SHISA9: variants seen among roughly 807,000 people sequenced by gnomAD.
SHISA9 encodes the protein protein shisa-9.
A neutral mutation model predicts 38.0 loss-of-function variants in SHISA9; 13 were observed. The observed-to-expected ratio is 0.34, with a 90% CI of 0.22 to 0.54. SHISA9 has a LOEUF of 0.54. Ranked by LOEUF, SHISA9 falls within the 20% of genes least tolerant of loss-of-function variation. The pLI is 0.91. For missense variants in SHISA9, 538 were observed against 575.8 expected (o/e 0.93, Z 0.67); for synonymous variants, 275 against 242.0 (o/e 1.14, Z -1.27).
intron 2 of SHISA9, among the ~76,000 whole-genome samples, chr16:13,027,233 C>G (rs1433641140): frequency 2.0e-5 from 3 of 152,194 alleles, no homozygotes; most frequent in African/African-American, 7.2e-5. Flanking sequence ...GGAGGATGGA[C>G]TCCATCAATA....
intron 2 of SHISA9, among the ~76,000 whole-genome samples, chr16:13,192,499 A>G (rs774185161): frequency 6.6e-6 from 1 of 152,074 alleles, no homozygotes; most frequent in African/African-American, 2.4e-5. Context: ...TATGTGAGGA[A>G]GAATGGATGG....
chr16:13,480,538 G>A, the SHISA9 span, among the ~76,000 whole-genome samples: 1 of 152,134 alleles, frequency 6.6e-6, no homozygotes, highest in Admixed American at 6.5e-5. Flanking sequence ...AGAACAATTG[G>A]TCAGGGCAAC....
the SHISA9 span, among the ~76,000 whole-genome samples, chr16:13,540,361 C>A: frequency 6.6e-6 from 1 of 152,124 alleles, no homozygotes; most frequent in Admixed American, 6.6e-5. Context: ...CTTTGTTCAC[C>A]GATTTGGCAG....
chr16:12,969,129 C>T (rs7198178), intron 2 of SHISA9, among the ~76,000 whole-genome samples: 33,730 of 150,394 alleles, frequency 0.22, 4,218 homozygotes, highest in African/African-American at 0.33. Context: ...TGCTCTCTGT[C>T]CTGGGTGACA....
intron 2 of SHISA9, among the ~76,000 whole-genome samples, chr16:13,028,383 G>C (rs1001800146): frequency 6.6e-6 from 1 of 152,116 alleles, no homozygotes; most frequent in Non-Finnish European, 1.5e-5. Context: ...AATTTATAAA[G>C]AGAAAGAGGT....
chr16:13,513,420 G>A, the SHISA9 span, among the ~76,000 whole-genome samples: 1 of 152,196 alleles, frequency 6.6e-6, no homozygotes, highest in Non-Finnish European at 1.5e-5. Flanking sequence ...CATTGTCAAA[G>A]ACAGCGCAGC....
At chr16:13,182,492 C>CA (rs1205498596) in intron 2 of SHISA9, among the ~76,000 whole-genome samples, 4 of 152,170 alleles carry the variant, frequency 2.6e-5, no homozygotes, top group Non-Finnish European at 5.9e-5. Context: ...AACACTGAGT[C>CA]AAAGGTATAA....
At chr16:13,499,562 ATCT>A in the SHISA9 span, among the ~76,000 whole-genome samples, 3 of 152,098 alleles carry the variant, frequency 2.0e-5, no homozygotes, top group South Asian at 4.2e-4. Flanking sequence ...GGTGATTCTT[ATCT>A]TCTTCTTAAT....
At chr16:13,256,086 C>T in the SHISA9 span, among the ~76,000 whole-genome samples, 2 of 152,168 alleles carry the variant, frequency 1.3e-5, no homozygotes, top group Non-Finnish European at 1.5e-5. Context: ...CCCATACATT[C>T]ACCATGCTGT....
At chr16:13,056,377 G>C (rs764033290) in intron 2 of SHISA9, among the ~76,000 whole-genome samples, 4 of 152,174 alleles carry the variant, frequency 2.6e-5, no homozygotes. Flanking sequence ...AGGCCTGAAG[G>C]CAAGGAGATA....
chr16:13,011,561 G>A (rs570421430), intron 2 of SHISA9, among the ~76,000 whole-genome samples: 48 of 151,892 alleles, frequency 3.2e-4, no homozygotes, highest in Middle Eastern at 6.8e-3. Context: ...TTGCTCTTTC[G>A]CCCAGGCTGG....
intron 2 of SHISA9, among the ~76,000 whole-genome samples, chr16:13,118,728 TTC>T (rs2074055649): frequency 1.1e-5 from 1 of 92,094 alleles, no homozygotes; most frequent in Non-Finnish European, 2.0e-5. Flanking sequence ...CTTTTCTTTT[TTC>T]TTTTTTTTTT....
chr16:13,055,093 A>G (rs543045947), intron 2 of SHISA9, among the ~76,000 whole-genome samples: 139 of 152,304 alleles, frequency 9.1e-4, no homozygotes, highest in African/African-American at 3.2e-3. Flanking sequence ...GGCCATCATC[A>G]TATAATAATA....
the SHISA9 span, among the ~76,000 whole-genome samples, chr16:13,486,011 C>G: frequency 6.6e-6 from 1 of 152,166 alleles, no homozygotes; most frequent in Non-Finnish European, 1.5e-5. Flanking sequence ...TTGTTTCACT[C>G]CCATACTGTC....
At chr16:12,957,539 C>A (rs1192033624) in intron 2 of SHISA9, among the ~76,000 whole-genome samples, 2 of 152,136 alleles carry the variant, frequency 1.3e-5, no homozygotes, top group Non-Finnish European at 2.9e-5. Context: ...GGACACTAAT[C>A]CCATTCACAA....
intron 3 of SHISA9, among the ~76,000 whole-genome samples, chr16:13,207,631 G>A (rs1249554618): frequency 6.6e-6 from 1 of 152,092 alleles, no homozygotes; most frequent in Non-Finnish European, 1.5e-5. Context: ...AGTTCTCAGG[G>A]CTTTCTCTGA....
chr16:13,048,220 T>A (rs2073209139), intron 2 of SHISA9, among the ~76,000 whole-genome samples: 1 of 152,228 alleles, frequency 6.6e-6, no homozygotes, highest in Non-Finnish European at 1.5e-5. Context: ...ATGGCATATC[T>A]CAAAGTATGA....
At chr16:13,401,423 C>G in the SHISA9 span, among the ~76,000 whole-genome samples, 1 of 152,220 alleles carries the variant, frequency 6.6e-6, no homozygotes. Flanking sequence ...TACTTTCATT[C>G]TCTAGAAAGA....
At chr16:13,561,965 G>C in the SHISA9 span, among the ~76,000 whole-genome samples, 1 of 152,096 alleles carries the variant, frequency 6.6e-6, no homozygotes, top group Admixed American at 6.5e-5. Context: ...GGGCATCATT[G>C]AGACTGTGAG....
Sources: gnomAD v4.1 joint callset for allele counts (sites outside exome capture counted in the v4.1 genomes callset) on GRCh38, gnomAD v4.1.1 for gene constraint, MANE v1.5 for transcripts, NCBI Gene and HGNC (gene_info 2026-07-23, HGNC 2026-07-21) for gene names.